SLC2A9: variants seen among roughly 807,000 people sequenced by gnomAD.
SLC2A9 encodes the protein solute carrier family 2 member 9.
In SLC2A9, 39 loss-of-function variants were observed where a neutral mutation model predicts 50.6. The ratio of observed to expected loss-of-function variants is 0.77; its 90% CI spans 0.60 to 1.01. The LOEUF is 1.01. SLC2A9 is among the 50% of genes least tolerant of loss of function. SLC2A9 has a pLI of 0.00. For missense variants in SLC2A9, 686 were observed against 677.6 expected (o/e 1.01, Z -0.14); for synonymous variants, 324 against 276.9 (o/e 1.17, Z -1.69).
At chr4:9,991,048 C>A (rs68013308) in intron 3 of SLC2A9, among the ~76,000 whole-genome samples, 11,326 of 152,206 alleles carry the variant, frequency 0.074, 763 homozygotes, top group East Asian at 0.39. Context: ...CTGCCTGCAG[C>A]GAGTGACAGA....
chr4:9,913,746 G>C (rs1181447020), intron 7 of SLC2A9, among the ~76,000 whole-genome samples: 1 of 152,220 alleles, frequency 6.6e-6, no homozygotes, highest in East Asian at 1.9e-4. Context: ...CTGTAGAGGG[G>C]TCTGGGGTTG....
intron 1 of SLC2A9, among the ~76,000 whole-genome samples, chr4:10,031,612 C>T (rs1763942660): frequency 1.3e-5 from 2 of 152,208 alleles, no homozygotes; most frequent in African/African-American, 4.8e-5. Flanking sequence ...TCCCCCAAAT[C>T]TATTTCATTT....
At chr4:9,960,833 A>C (rs1222386522) in intron 5 of SLC2A9, among the ~76,000 whole-genome samples, 1 of 152,150 alleles carries the variant, frequency 6.6e-6, no homozygotes, top group Non-Finnish European at 1.5e-5. Flanking sequence ...GTTGAATGGC[A>C]CTAGAGGATA....
chr4:9,976,223 T>A (rs540999923), intron 5 of SLC2A9, among the ~76,000 whole-genome samples: 1 of 152,324 alleles, frequency 6.6e-6, no homozygotes, highest in Admixed American at 6.5e-5. Context: ...AGGAAATAAG[T>A]ACGCACACGT....
chr4:9,885,421 T>C (rs565998638), intron 10 of SLC2A9, among the ~76,000 whole-genome samples: 1 of 152,336 alleles, frequency 6.6e-6, no homozygotes, highest in South Asian at 2.1e-4. Context: ...TTTTCTGATA[T>C]CATTAAGCCC....
chr4:9,934,241 C>T (rs569109205), intron 6 of SLC2A9, among the ~76,000 whole-genome samples: 35 of 152,242 alleles, frequency 2.3e-4, no homozygotes, highest in Admixed American at 5.9e-4. Context: ...AAGCAAAATT[C>T]ACAGCTTTGT....
chr4:9,781,871 G>A, intron 3 of SLC2A9: 1 of 572,934 alleles, frequency 1.7e-6, no homozygotes, highest in South Asian at 4.1e-5. Context: ...AAGTCCCCGC[G>A]CGCTCCGCAG....
intron 2 of SLC2A9, among the ~76,000 whole-genome samples, chr4:10,008,017 G>A (rs962787343): frequency 1.3e-5 from 2 of 152,146 alleles, no homozygotes; most frequent in African/African-American, 2.4e-5. Flanking sequence ...TCACTTGTCT[G>A]GTTTGTTCAC....
chr4:9,967,495 A>G (rs1374418583), intron 5 of SLC2A9, among the ~76,000 whole-genome samples: 3 of 152,004 alleles, frequency 2.0e-5, no homozygotes, highest in African/African-American at 7.2e-5. Flanking sequence ...TGATTTCTGC[A>G]TATAATTCTT....
At chr4:9,955,494 C>A (rs1190684966) in intron 5 of SLC2A9, among the ~76,000 whole-genome samples, 12 of 23,668 alleles carry the variant, frequency 5.1e-4, no homozygotes, top group African/African-American at 8.2e-4. Flanking sequence ...GACTCCGTCT[C>A]AAAAAAAAAA....
At chr4:9,939,212 C>G (rs1747679973) in intron 6 of SLC2A9, among the ~76,000 whole-genome samples, 1 of 152,192 alleles carries the variant, frequency 6.6e-6, no homozygotes, top group Non-Finnish European at 1.5e-5. Flanking sequence ...CAACCTAGGT[C>G]AGCCAGGTGA....
intron 5 of SLC2A9, among the ~76,000 whole-genome samples, chr4:9,970,001 G>A (rs1753637171): frequency 6.6e-6 from 1 of 152,140 alleles, no homozygotes; most frequent in South Asian, 2.1e-4. Context: ...CATTTAACCA[G>A]AAAACTGAAA....
At chr4:10,020,265 C>T (rs1422832011) in intron 1 of SLC2A9, among the ~76,000 whole-genome samples, 1 of 152,096 alleles carries the variant, frequency 6.6e-6, no homozygotes, top group Non-Finnish European at 1.5e-5. Context: ...AGCTTTGGGG[C>T]TTTGAGCCAA....
chr4:10,013,480 G>A (rs532793044), intron 2 of SLC2A9, among the ~76,000 whole-genome samples: 1 of 152,348 alleles, frequency 6.6e-6, no homozygotes, highest in Admixed American at 6.5e-5. Flanking sequence ...TCCCACCCCT[G>A]AAACTTGGAT....
At chr4:9,781,387 G>A (rs1718337483) in intron 3 of SLC2A9, among the ~76,000 whole-genome samples, 1 of 152,220 alleles carries the variant, frequency 6.6e-6, no homozygotes, top group African/African-American at 2.4e-5. Context: ...CCCCAAGCGT[G>A]GCCAGGGCTA....
At chr4:9,986,199 T>G (rs1310113050) in intron 3 of SLC2A9, among the ~76,000 whole-genome samples, 1 of 152,110 alleles carries the variant, frequency 6.6e-6, no homozygotes. Flanking sequence ...AGAACCGAGA[T>G]GTCAAAAAGG....
chr4:9,985,415 A>T (rs553147247), intron 4 of SLC2A9, among the ~76,000 whole-genome samples: 2 of 152,326 alleles, frequency 1.3e-5, no homozygotes, highest in African/African-American at 2.4e-5. Context: ...TGACATGCTG[A>T]AGACCATCCA....
intron 10 of SLC2A9, among the ~76,000 whole-genome samples, chr4:9,873,664 C>A (rs1176694248): frequency 6.6e-6 from 1 of 152,208 alleles, no homozygotes; most frequent in East Asian, 1.9e-4. Flanking sequence ...CTACTTTGGA[C>A]TAGCTGGTGC....
At chr4:9,891,818 G>T (rs977211587) in intron 8 of SLC2A9, among the ~76,000 whole-genome samples, 3 of 152,202 alleles carry the variant, frequency 2.0e-5, no homozygotes, top group African/African-American at 4.8e-5. Flanking sequence ...TGGGGGAAAA[G>T]GTTTTGGGGC....
Sources: allele counts gnomAD v4.1 joint callset (sites outside exome capture counted in the v4.1 genomes callset), GRCh38; gene constraint gnomAD v4.1.1; transcripts MANE v1.5; gene names NCBI Gene and HGNC (gene_info 2026-07-23, HGNC 2026-07-21).